Variants in SETBP1 observed in about 807,000 individuals in gnomAD.
SETBP1 encodes the protein SET-binding protein.
SETBP1 carries 9 observed loss-of-function variants against 101.0 expected under a neutral mutation model. That is an observed-to-expected ratio of 0.09 (90% CI 0.05 to 0.16). The LOEUF (loss-of-function observed/expected upper bound fraction) is 0.16, where lower values mean the gene tolerates loss of function less well. SETBP1 is among the 10% of genes least tolerant of loss of function. The pLI, the probability that SETBP1 is intolerant of heterozygous loss-of-function variation, is 1.00. For missense variants in SETBP1, 1,858 were observed against 2,033.8 expected (o/e 0.91, Z 1.66); for synonymous variants, 818 against 788.5 (o/e 1.04, Z -0.63).
chr18:45,044,830 G>A (rs1009084566), intron 5 of SETBP1, among the ~76,000 whole-genome samples: 3 of 152,160 alleles, frequency 2.0e-5, no homozygotes, highest in African/African-American at 7.2e-5. Flanking sequence ...ATTAGACAAC[G>A]GGGCATTATG....
At chr18:44,932,962 C>T (rs1318166385) in intron 3 of SETBP1, among the ~76,000 whole-genome samples, 1 of 152,248 alleles carries the variant, frequency 6.6e-6, no homozygotes, top group African/African-American at 2.4e-5. Flanking sequence ...TCGTCAAAGT[C>T]ATTCTCTCTC....
intron 2 of SETBP1, among the ~76,000 whole-genome samples, chr18:44,749,994 T>C (rs1599071969): frequency 1.3e-5 from 2 of 152,272 alleles, no homozygotes; most frequent in South Asian, 2.1e-4. Context: ...TCATAAATGA[T>C]GCAAGATTGA....
chr18:44,841,171 G>C (rs1434191333), intron 2 of SETBP1, among the ~76,000 whole-genome samples: 1 of 152,204 alleles, frequency 6.6e-6, no homozygotes, highest in East Asian at 1.9e-4. Flanking sequence ...CAAGGAAGAT[G>C]TTGGCCATGG....
In SETBP1 at chr18:44,989,105, G is replaced by C. The variant is rs539505607; in HGVS notation, c.4000+35765G>C. ...TACATGAGGAAACAAGTTTTTATAA[G>C]ACTCAGCAGAAGCAACAAGGAGTAA... On this transcript the variant is annotated intron_variant, in intron 4 of 5. Transcript: ENST00000649279. The C allele has an allele frequency of 2.0e-5, 3 of 152,074 alleles. No homozygotes were observed. In the South Asian group the frequency reaches 6.2e-4, roughly 31 times the overall value. 9.4% of individuals were successfully genotyped at this position (152,074 alleles called of 1,614,324 possible).
At chr18:44,941,536 T>A (rs1277112078) in intron 3 of SETBP1, among the ~76,000 whole-genome samples, 2 of 152,178 alleles carry the variant, frequency 1.3e-5, no homozygotes, top group Admixed American at 1.3e-4. Context: ...TTCTTAGCTA[T>A]GAGAATATGT....
chr18:45,058,465 A>G (rs1463155219), intron 5 of SETBP1, among the ~76,000 whole-genome samples: 4 of 152,246 alleles, frequency 2.6e-5, no homozygotes, highest in Non-Finnish European at 5.9e-5. Context: ...ATGAGTATAG[A>G]AAAGAATTAC....
At chr18:44,712,980 A>G (rs1225993267) in intron 2 of SETBP1, among the ~76,000 whole-genome samples, 25 of 116,006 alleles carry the variant, frequency 2.2e-4, no homozygotes, top group Admixed American at 1.4e-3. Context: ...TTTTTTTGAT[A>G]CAGAGTCTTG....
At chr18:44,787,292 T>C (rs1046073421) in intron 2 of SETBP1, among the ~76,000 whole-genome samples, 1 of 152,318 alleles carries the variant, frequency 6.6e-6, no homozygotes, top group Admixed American at 6.5e-5. Context: ...TTATATAGCA[T>C]CTGTCAGCCT....
chr18:44,816,382 G>A (rs920997837), intron 2 of SETBP1, among the ~76,000 whole-genome samples: 7 of 152,174 alleles, frequency 4.6e-5, no homozygotes, highest in Admixed American at 4.6e-4. Context: ...GCATATACTG[G>A]GAAGACAGAG....
chr18:44,892,016 T>G (rs2069783314), intron 3 of SETBP1, among the ~76,000 whole-genome samples: 1 of 152,106 alleles, frequency 6.6e-6, no homozygotes, highest in Non-Finnish European at 1.5e-5. Context: ...GGAGGAGAAG[T>G]GCTCTACTTT....
chr18:44,716,527 A>G (rs1437558381), intron 2 of SETBP1, among the ~76,000 whole-genome samples: 1 of 151,900 alleles, frequency 6.6e-6, no homozygotes, highest in Non-Finnish European at 1.5e-5. Context: ...GAAAAATGGG[A>G]ACTGTGTATC....
At chr18:44,793,992 G>T (rs986957681) in intron 2 of SETBP1, among the ~76,000 whole-genome samples, 4 of 152,176 alleles carry the variant, frequency 2.6e-5, no homozygotes, top group African/African-American at 4.8e-5. Flanking sequence ...ATTAACAAGG[G>T]GTTAGTCAGA....
intron 2 of SETBP1, among the ~76,000 whole-genome samples, chr18:44,757,826 AGTGCTGT>A (rs1362225440): frequency 6.6e-6 from 1 of 152,216 alleles, no homozygotes; most frequent in African/African-American, 2.4e-5. Flanking sequence ...TAAATAACAC[AGTGCTGT>A]GTAGATCAAG....
intron 1 of SETBP1, among the ~76,000 whole-genome samples, chr18:44,683,650 AAT>A (rs2068793582): frequency 1.3e-5 from 2 of 152,324 alleles, no homozygotes; most frequent in South Asian, 4.2e-4. Context: ...GCAGATGAGA[AAT>A]AGCTAGCTGG....
intron 2 of SETBP1, among the ~76,000 whole-genome samples, chr18:44,704,945 A>G (rs1258797469): frequency 6.6e-6 from 1 of 152,154 alleles, no homozygotes; most frequent in Admixed American, 6.5e-5. Context: ...AGGAGCTAGA[A>G]AGGAAGCCCT....
At position 45,063,765 on chromosome 18, in the gene SETBP1, C is replaced by T; in HGVS notation, c.*67C>T. ...ACGTGGGAAGCGCAGTGAGCCGGGG[C>T]GGGGGCGGAATCCCCCGCTGCAGGG... is the stretch of plus-strand genomic sequence containing the variant. On this transcript the variant is annotated 3_prime_UTR_variant, in exon 6 of 6. Transcript: ENST00000649279. 2.0e-6 allele frequency: 3 copies of T among 1,529,108 alleles called. No individual in the cohort carries two copies. The highest frequency in any genetic ancestry group is 1.4e-5 in the African/African-American group (1 of 71,796). The allele number at this position is 1,529,108 out of a possible 1,614,324, so 94.7% of individuals were successfully genotyped here.
At chr18:45,003,748 A>G (rs2072666658) in intron 4 of SETBP1, among the ~76,000 whole-genome samples, 1 of 151,948 alleles carries the variant, frequency 6.6e-6, no homozygotes, top group Non-Finnish European at 1.5e-5. Flanking sequence ...AAATCTTCAC[A>G]AGGTCTAGTT....
chr18:44,826,520 C>T lies in SETBP1; in HGVS notation c.487-42710C>T, dbSNP rs548994659. Among the ~76,000 whole-genome samples, 264 of 152,192 alleles carry T rather than the reference C, an allele frequency of 1.7e-3. 3 individuals are homozygous for T. The highest frequency in any genetic ancestry group is 6.1e-3 in the African/African-American group (254 of 41,526). ...GTTCAGCAGAAAGGCATGTGGAGTC[C>T]CAGGGTGAGAGAGTTGGGGGCATTA... On this transcript the variant is annotated intron_variant, in intron 2 of 5. Transcript: ENST00000649279.
chr18:44,955,051 G>T (rs988628762), intron 4 of SETBP1, among the ~76,000 whole-genome samples: 2 of 152,122 alleles, frequency 1.3e-5, no homozygotes, highest in South Asian at 4.1e-4. Flanking sequence ...CAGACCCAAG[G>T]AGCAAGACCT....
Sources: gnomAD v4.1 joint callset for allele counts (sites outside exome capture counted in the v4.1 genomes callset) on GRCh38, gnomAD v4.1.1 for gene constraint, MANE v1.5 for transcripts, NCBI Gene and HGNC (gene_info 2026-07-23, HGNC 2026-07-21) for gene names.